The following GDPD5 variants were observed in gnomAD, a reference collection of about 807,000 sequenced individuals.
GDPD5 encodes the protein glycerophosphodiester phosphodiesterase 2.
Under a neutral mutation model 75.1 loss-of-function variants are expected in GDPD5, and 48 were observed. That is an observed-to-expected ratio of 0.64 (90% CI 0.51 to 0.81). The LOEUF is 0.81. Ranked by LOEUF, GDPD5 falls within the 40% of genes least tolerant of loss-of-function variation. GDPD5 has a pLI of 0.00. For synonymous variants in GDPD5, 336 were observed against 339.0 expected (o/e 0.99, Z 0.10); for missense variants, 706 against 822.6 (o/e 0.86, Z 1.73).
Position 75,439,855 on chromosome 11 carries a change from C to CG in GDPD5, c.1556+23dup, listed in dbSNP as rs1409399412. 4 of 1,596,952 alleles carry CG rather than the reference C, an allele frequency of 2.5e-6. No individual in the cohort carries two copies. In the African/African-American group the frequency reaches 4.0e-5, roughly 16 times the overall value. ...GCCTGCTGCAGGGTAGGGACAGCCA[C>CG]GGAAGTGGTCAGATCCTACTCACTT... On this transcript the variant is annotated intron_variant, in intron 15 of 16. Transcript: ENST00000336898.
chr11:75,475,692 G>A (rs1388076909), intron 3 of GDPD5, among the ~76,000 whole-genome samples: 3 of 152,212 alleles, frequency 2.0e-5, no homozygotes, highest in Non-Finnish European at 4.4e-5. Context: ...ATCTTCAGCT[G>A]TGAGTTTGGG....
At chr11:75,463,714 C>T (rs1472950458) in intron 3 of GDPD5, among the ~76,000 whole-genome samples, 6 of 152,330 alleles carry the variant, frequency 3.9e-5, no homozygotes, top group Middle Eastern at 3.4e-3. Context: ...GGCAGCCCTA[C>T]GTCTGAGCTC....
rs147236943 is a variant in GDPD5, at chr11:75,441,253, G to A, written c.1383C>T (p.Leu461=). The A allele has an allele frequency of 1.3e-4, 212 of 1,614,164 alleles. No homozygotes were observed. The African/African-American group carries it at 2.5e-3, about 19-fold the overall frequency. ...CCCCCGCACACCACAGCAGGGAGAA[G>A]AGCCACGGTGCGTTGACTGTGTAGA... The part of the protein sequence containing the change: ...VNLYTVNAPW[L]FSLLWCAGVP... Residue 461 remains leucine (L), a synonymous_variant, in exon 14 of 17, where the codon CTC becomes CTT. Coordinates refer to ENST00000336898, the MANE Select transcript of GDPD5 (RefSeq NM_030792.8).
intron 4 of GDPD5, among the ~76,000 whole-genome samples, chr11:75,461,981 A>G (rs1044221632): frequency 6.6e-6 from 1 of 152,202 alleles, no homozygotes; most frequent in African/African-American, 2.4e-5. Context: ...CCCCTCCTGT[A>G]CCCAGGTAAG....
At chr11:75,511,680 A>G (rs1950521446) in intron 1 of GDPD5, among the ~76,000 whole-genome samples, 1 of 152,190 alleles carries the variant, frequency 6.6e-6, no homozygotes, top group Non-Finnish European at 1.5e-5. Flanking sequence ...GCTTCCCTGC[A>G]CTGACCATTT....
At chr11:75,503,525 C>A (rs1371365476) in intron 1 of GDPD5, among the ~76,000 whole-genome samples, 1 of 152,228 alleles carries the variant, frequency 6.6e-6, no homozygotes, top group Non-Finnish European at 1.5e-5. Context: ...GCCTCAGAAT[C>A]CACACTATTC....
intron 4 of GDPD5, among the ~76,000 whole-genome samples, chr11:75,459,201 A>G (rs137999659): frequency 0.012 from 1,867 of 152,362 alleles, 11 homozygotes; most frequent in Middle Eastern, 0.034. Context: ...TACTAGTGGC[A>G]TGAAATAGTT....
In GDPD5 at chr11:75,445,212, C is replaced by T. The variant is rs552916783; in HGVS notation, c.715-717G>A. On this transcript the variant is annotated intron_variant, in intron 9 of 16. Coordinates refer to ENST00000336898, the MANE Select transcript of GDPD5 (RefSeq NM_030792.8). Reference sequence around the variant, plus strand: ...TCACCCAGGCTGTAGTGCAGTGACACAATCACAGCTCACAACAGCCTCAAA... The same window carrying T: ...TCACCCAGGCTGTAGTGCAGTGACATAATCACAGCTCACAACAGCCTCAAA... Among the ~76,000 whole-genome samples the T allele has an allele frequency of 2.0e-5, 3 of 152,268 alleles. No individual in the cohort carries two copies. The South Asian group carries it at 6.2e-4, about 32-fold the overall frequency.
intron 15 of GDPD5, chr11:75,437,952 AG>A (rs760452599): frequency 1.3e-5 from 2 of 152,262 alleles, no homozygotes; most frequent in Non-Finnish European, 2.9e-5. Context: ...CTTGGGAACA[AG>A]AACCCAACTG....
At position 75,515,667 on chromosome 11, in the gene GDPD5, T is replaced by C. The variant is rs1302330797; in HGVS notation, c.-145+9543A>G. 3.9e-5 allele frequency among the ~76,000 whole-genome samples: 6 copies of C among 152,212 alleles called. No individual in the cohort carries two copies. The South Asian group carries it at 1.0e-3, about 26-fold the overall frequency. ...GAAGGTGTGTGAAGTGGCCACATCA[T>C]GGCCAGCTCTGGGATGGGCAAGTCG... On this transcript the variant is annotated intron_variant, in intron 1 of 16. Coordinates refer to ENST00000336898, the MANE Select transcript of GDPD5 (RefSeq NM_030792.8).
At chr11:75,504,990 C>T (rs550604938) in intron 1 of GDPD5, among the ~76,000 whole-genome samples, 8 of 151,844 alleles carry the variant, frequency 5.3e-5, no homozygotes, top group South Asian at 4.2e-4. Flanking sequence ...GCCGGGTGTG[C>T]GCATGCCTGT....
chr11:75,471,509 C>G (rs760307972), intron 3 of GDPD5, among the ~76,000 whole-genome samples: 1 of 152,138 alleles, frequency 6.6e-6, no homozygotes, highest in Non-Finnish European at 1.5e-5. Flanking sequence ...CCTGGGGCAC[C>G]CTGTCTCTCC....
intron 9 of GDPD5, chr11:75,448,350 C>T (rs921740712): frequency 7.9e-6 from 3 of 378,564 alleles, no homozygotes; most frequent in African/African-American, 6.5e-5. Context: ...CATAGCCCCA[C>T]AGCAGGTGCT....
intron 3 of GDPD5, among the ~76,000 whole-genome samples, chr11:75,468,098 C>T (rs192002971): frequency 1.3e-5 from 2 of 152,286 alleles, no homozygotes; most frequent in Admixed American, 6.5e-5. Context: ...CTGCTGCTGC[C>T]TTTTGCCACT....
intron 1 of GDPD5, among the ~76,000 whole-genome samples, chr11:75,520,248 G>A (rs1223238971): frequency 6.6e-6 from 1 of 152,236 alleles, no homozygotes; most frequent in Non-Finnish European, 1.5e-5. Flanking sequence ...CGAAGCCATC[G>A]AGGGGATGGG....
chr11:75,442,531 C>T lies in GDPD5; in HGVS notation c.999G>A (p.Glu333=), dbSNP rs371189017. Residue 333 remains glutamate (E), a synonymous_variant, in exon 12 of 17, where the codon GAG becomes GAA. Transcript: ENST00000336898. ...GGCTGCAGATGGACTGGTTCTGGGC[C>T]TCTCTGTGGTCGGAGGGTGACAGGG... ...ASSLSPSDHR[E]AQNQSICSLA... is the part of the protein sequence containing the mutation. 2.6e-5 allele frequency: 42 copies of T among 1,614,060 alleles called. No individual in the cohort carries two copies. The highest frequency in any genetic ancestry group is 3.5e-5 in the Non-Finnish European group (41 of 1,180,050).
At chr11:75,450,124 A>G in intron 6 of GDPD5, 141 bp from the exon 7 acceptor site, 1 of 654,366 alleles carries the variant, frequency 1.5e-6, no homozygotes, top group East Asian at 2.7e-5. Flanking sequence ...GGAAAGAGAC[A>G]GGCATGGGCT....
intron 3 of GDPD5, among the ~76,000 whole-genome samples, chr11:75,464,398 C>T (rs1034537956): frequency 6.6e-6 from 1 of 152,218 alleles, no homozygotes; most frequent in African/African-American, 2.4e-5. Context: ...GTATCTGTGA[C>T]ATCCTCTGCC....
Position 75,462,791 on chromosome 11 carries a change from G to C in GDPD5, c.216C>G (p.Phe72Leu). 1 of 1,610,160 alleles carries C rather than the reference G, an allele frequency of 6.2e-7. No homozygotes were observed. Among genetic ancestry groups the C allele is most frequent in the Non-Finnish European group, 8.5e-7 (1 of 1,177,362 alleles). ...CACCCACTGCCCCTACTCACCAGTT[G>C]AATTCATCATAGTCATTGTGGACTT... ...WWEVHNDYDEFNWYLYNRMGY... is the reference protein window; with the variant it reads ...WWEVHNDYDELNWYLYNRMGY... The change falls in exon 4 of 17, where the codon TTC becomes TTG. Residue 72 changes from phenylalanine to leucine, a missense_variant. Coordinates refer to ENST00000336898, the MANE Select transcript of GDPD5 (RefSeq NM_030792.8).
Sources: allele counts gnomAD v4.1 joint callset (sites outside exome capture counted in the v4.1 genomes callset), GRCh38; gene constraint gnomAD v4.1.1; transcripts MANE v1.5; gene names NCBI Gene and HGNC (gene_info 2026-07-23, HGNC 2026-07-21).